The following WDR11 variants were observed in gnomAD, a reference collection of about 807,000 sequenced individuals.
The protein encoded by WDR11 is WD repeat-containing protein 11.
A neutral mutation model predicts 151.2 loss-of-function variants in WDR11; 83 were observed. The ratio of observed to expected loss-of-function variants is 0.55; its 90% CI spans 0.46 to 0.66. The LOEUF (loss-of-function observed/expected upper bound fraction) is 0.66. Among genes scored for constraint, WDR11 ranks in the 30% least tolerant of loss-of-function variants. The pLI is 0.00. For missense variants in WDR11, 1,301 were observed against 1,480.9 expected (o/e 0.88, Z 1.99); for synonymous variants, 484 against 533.1 (o/e 0.91, Z 1.27).
intron 16 of WDR11, among the ~76,000 whole-genome samples, chr10:120,887,651 C>T (rs1847267120): frequency 6.6e-6 from 1 of 152,124 alleles, no homozygotes; most frequent in African/African-American, 2.4e-5. Flanking sequence ...AAGTTGGCTG[C>T]CTCACAGGCT....
intron 9 of WDR11, among the ~76,000 whole-genome samples, chr10:120,870,186 TA>T (rs1846486904): frequency 6.6e-6 from 1 of 152,234 alleles, no homozygotes; most frequent in African/African-American, 2.4e-5. Flanking sequence ...CTATTTTTTC[TA>T]TATATTTTGT....
intron 3 of WDR11, 48 bp from the exon 4 acceptor site, chr10:120,860,061 G>A (rs757945204): frequency 8.5e-5 from 136 of 1,609,042 alleles, no homozygotes; most frequent in Non-Finnish European, 1.1e-4. Flanking sequence ...CAAGGACTTT[G>A]GAGAGTGTGG....
At chr10:120,896,604 A>G (rs891435682) in intron 19 of WDR11, among the ~76,000 whole-genome samples, 2 of 152,206 alleles carry the variant, frequency 1.3e-5, no homozygotes, top group Non-Finnish European at 2.9e-5. Context: ...AGTGGTTTAT[A>G]TTCTAAGGAC....
intron 19 of WDR11, among the ~76,000 whole-genome samples, chr10:120,891,500 C>T (rs952513553): frequency 6.6e-6 from 1 of 152,044 alleles, no homozygotes; most frequent in Non-Finnish European, 1.5e-5. Context: ...TGAATGCATC[C>T]ATTTATCAGT....
intron 6 of WDR11, 109 bp downstream of exon 6, chr10:120,865,321 C>A: frequency 8.7e-7 from 1 of 1,154,562 alleles, no homozygotes; most frequent in Non-Finnish European, 1.3e-6. Context: ...TTTCTCTTTT[C>A]AATTTATCAA....
intron 9 of WDR11, among the ~76,000 whole-genome samples, chr10:120,868,036 G>T (rs1846375227): frequency 6.6e-6 from 1 of 152,128 alleles, no homozygotes; most frequent in South Asian, 2.1e-4. Context: ...TTTTTTTACA[G>T]TTGTGGCTAT....
At chr10:120,906,634 A>G (rs1848060266) in intron 27 of WDR11, 142 bp from the exon 28 acceptor site, 10 of 1,538,086 alleles carry the variant, frequency 6.5e-6, no homozygotes, top group African/African-American at 1.4e-5. Context: ...TCAACAAACT[A>G]GGGCTTAGAA....
In WDR11 at chr10:120,904,040, A is replaced by G; in HGVS notation, c.2932-7A>G. The G allele has an allele frequency of 6.3e-7, 1 of 1,595,102 alleles. No homozygotes were observed. Among genetic ancestry groups the G allele is most frequent in the Admixed American group, 1.7e-5 (1 of 59,784 alleles). On this transcript the variant is annotated splice_polypyrimidine_tract_variant and splice_region_variant and intron_variant, in intron 23 of 28. Coordinates refer to ENST00000263461, the MANE Select transcript of WDR11 (RefSeq NM_018117.12). ...AGGCTTAATTTTTCTTTTTTTTCCA[A>G]TTCTAGAAATTTCAGCTAGAAAGGG...
chr10:120,901,083 T>A lies in WDR11; in HGVS notation c.2672T>A (p.Leu891Ter). Residue 891 changes from leucine (L) to a stop codon, truncating the protein, a stop_gained, in exon 21 of 29, where the codon TTG becomes TAG. Coordinates refer to ENST00000263461, the MANE Select transcript of WDR11 (RefSeq NM_018117.12). LOFTEE classifies it high-confidence loss of function. Reference sequence around the variant, plus strand: ...ATAAAGAATCTCCTCCAAGAACAGTTGAATTCATTGTCTAAGTAAGCACTC... The same window carrying A: ...ATAAAGAATCTCCTCCAAGAACAGTAGAATTCATTGTCTAAGTAAGCACTC... Reference protein sequence around the residue: ...EEIKNLLQEQLNSLSNDIKKL... With the variant: ...EEIKNLLQEQ 6.2e-7 allele frequency: 1 copy of A among 1,612,618 alleles called. No individual in the cohort carries two copies. Among genetic ancestry groups the A allele is most frequent in the Non-Finnish European group, 8.5e-7 (1 of 1,178,764 alleles).
At chr10:120,867,045 C>G (rs368840977) in intron 8 of WDR11, 21 bp from the exon 9 acceptor site, 6 of 1,586,006 alleles carry the variant, frequency 3.8e-6, no homozygotes, top group Non-Finnish European at 5.2e-6. Flanking sequence ...GTAAAACCTT[C>G]TAATTATTAT....
chr10:120,904,184 T>C (rs1326384364), intron 24 of WDR11, 42 bp downstream of exon 24: 2 of 1,440,482 alleles, frequency 1.4e-6, no homozygotes, highest in South Asian at 2.3e-5. Context: ...ATTAAATTGC[T>C]AGTTAATTCG....
chr10:120,860,341 C>T, intron 4 of WDR11, 59 bp downstream of exon 4: 1 of 1,559,026 alleles, frequency 6.4e-7, no homozygotes, highest in Non-Finnish European at 8.7e-7. Context: ...TATAGTAATG[C>T]TATGTGCATG....
In WDR11 at chr10:120,862,782, A is replaced by G; in HGVS notation, c.574A>G (p.Lys192Glu). ...TTTCATCTCAGACTTCTCCCCATCC[A>G]AGCCTCCCTCAGGCCCTGGGAAAAA... ...IVFISDFSPSKPPSGPGKKVY... is the reference protein window; with the variant it reads ...IVFISDFSPSEPPSGPGKKVY... The change falls in exon 5 of 29, where the codon AAG becomes GAG. Residue 192 changes from lysine to glutamate, a missense_variant. Around this residue, in one of 3 missense-constraint regions of WDR11, gnomAD observed 692 missense variants for 762.5 expected, o/e 0.91. Transcript: ENST00000263461. The G allele has an allele frequency of 6.2e-7, 1 of 1,614,104 alleles. No individual in the cohort carries two copies. Among genetic ancestry groups the G allele is most frequent in the Non-Finnish European group, 8.5e-7 (1 of 1,180,006 alleles).
chr10:120,856,784 T>C (rs1304021311), intron 2 of WDR11, among the ~76,000 whole-genome samples: 1 of 152,064 alleles, frequency 6.6e-6, no homozygotes, highest in Non-Finnish European at 1.5e-5. Flanking sequence ...CATATACATA[T>C]ACAAATATAT....
intron 3 of WDR11, among the ~76,000 whole-genome samples, chr10:120,859,239 A>T (rs182105859): frequency 2.3e-4 from 34 of 148,006 alleles, no homozygotes; most frequent in Non-Finnish European, 4.2e-4. Flanking sequence ...CATGTTACTG[A>T]CCTAAAACCA....
chr10:120,893,595 C>T (rs11199630), intron 19 of WDR11, among the ~76,000 whole-genome samples: 209 of 149,950 alleles, frequency 1.4e-3, no homozygotes, highest in Non-Finnish European at 2.4e-3. Context: ...GCCACACTGA[C>T]TTCCACAATG....
At chr10:120,899,918 C>A in intron 19 of WDR11, 111 bp from the exon 20 acceptor site, 1 of 853,490 alleles carries the variant, frequency 1.2e-6, no homozygotes, top group Non-Finnish European at 1.9e-6. Flanking sequence ...CTCAGTTGTT[C>A]CAGATTTACC....
chr10:120,889,546 T>C (rs996633243), intron 17 of WDR11: 1 of 402,966 alleles, frequency 2.5e-6, no homozygotes, highest in Non-Finnish European at 4.6e-6. Flanking sequence ...GGCCAAAAAA[T>C]GACATCTTGA....
At chr10:120,900,277 T>C (rs972843983) in intron 20 of WDR11, 140 bp downstream of exon 20, 3 of 783,356 alleles carry the variant, frequency 3.8e-6, no homozygotes, top group Non-Finnish European at 6.4e-6. Context: ...CACTACAGAA[T>C]TGCCAGGCTG....
Sources: gnomAD v4.1 joint callset for allele counts (sites outside exome capture counted in the v4.1 genomes callset) on GRCh38, gnomAD v4.1.1 for gene constraint, gnomAD v4.1.1 regional missense constraint, MANE v1.5 for transcripts, NCBI Gene and HGNC (gene_info 2026-07-23, HGNC 2026-07-21) for gene names.